DNHD1: variants seen among roughly 807,000 people sequenced by gnomAD.
DNHD1 encodes the protein dynein heavy chain domain 1, also known as dynein heavy chain domain-containing protein 1.
DNHD1 carries 383 observed loss-of-function variants against 458.1 expected under a neutral mutation model. The ratio of observed to expected loss-of-function variants is 0.84; its 90% CI spans 0.77 to 0.91. DNHD1 has a LOEUF of 0.91. Ranked by LOEUF, DNHD1 falls within the 40% of genes least tolerant of loss-of-function variation. The probability of loss-of-function intolerance (pLI) is 0.00; values close to 1 mark genes in which losing one functional copy is unlikely to be tolerated. For missense variants in DNHD1, 5,336 were observed against 5,866.1 expected, an observed-to-expected ratio of 0.91 and a Z score of 2.95; for synonymous variants, 2,203 against 2,376.9, an observed-to-expected ratio of 0.93 and a Z score of 2.13.
chr11:6,530,520 G>A (rs904570274), intron 12 of DNHD1, among the ~76,000 whole-genome samples: 1 of 152,194 alleles, frequency 6.6e-6, no homozygotes, highest in African/African-American at 2.4e-5. Context: ...CTAGCCTCAA[G>A]GATGGCAATA....
chr11:6,547,786 T>C, intron 21 of DNHD1, 77 bp from the exon 22 acceptor site: 1 of 1,529,518 alleles, frequency 6.5e-7, no homozygotes, highest in South Asian at 1.2e-5. Flanking sequence ...AAAGTAATAC[T>C]GTCAACCTTT....
chr11:6,541,826 A>G (rs73407172), intron 18 of DNHD1, among the ~76,000 whole-genome samples: 7,374 of 152,240 alleles, frequency 0.048, 585 homozygotes, highest in African/African-American at 0.17. Flanking sequence ...GACTGGTATA[A>G]CCCAAGTGAA....
rs1253946824 is a variant in DNHD1, at chr11:6,570,511, A to G, written c.13106-107A>G. 5 of 1,480,084 alleles carry G rather than the reference A, an allele frequency of 3.4e-6. No homozygotes were observed. In the South Asian group the frequency reaches 6.9e-5, roughly 20 times the overall value. 91.7% of individuals were successfully genotyped at this position (1,480,084 alleles called of 1,614,324 possible). A position where few individuals can be genotyped will look rare whatever the true frequency, so the allele number is the denominator to read the frequency against. On this transcript the variant is annotated intron_variant, in intron 41 of 42. Transcript: ENST00000254579. ...AGGTATATGAGGGGGTAATATTCAT[A>G]CTGTTATGGGGGTGATGGCAGTAAA...
intron 6 of DNHD1, among the ~76,000 whole-genome samples, chr11:6,510,171 C>T (rs1304455940): frequency 1.3e-5 from 2 of 152,070 alleles, no homozygotes; most frequent in African/African-American, 4.8e-5. Flanking sequence ...GCAACCTCCT[C>T]CTCCTGGGTT....
In DNHD1 at chr11:6,549,024, G is replaced by A. The variant is rs1014988938; in HGVS notation, c.7387+91G>A. On this transcript the variant is annotated intron_variant, in intron 24 of 42. Transcript: ENST00000254579. ...AATATTCATTGACTCTCAAATATAT[G>A]TCTGTAGATCTAACTTTAGTGTTCT... is the stretch of plus-strand genomic sequence containing the variant. 1.5e-5 allele frequency: 21 copies of A among 1,357,790 alleles called. No homozygotes were observed. The Admixed American group carries it at 2.0e-4, about 13-fold the overall frequency. 84.1% of individuals were successfully genotyped at this position (1,357,790 alleles called of 1,614,324 possible).
chr11:6,551,745 A>C (rs914539180), intron 24 of DNHD1, among the ~76,000 whole-genome samples: 1 of 152,198 alleles, frequency 6.6e-6, no homozygotes, highest in East Asian at 1.9e-4. Context: ...GATGGAGACC[A>C]TCCTGGCCAA....
rs766277075 is a variant in DNHD1 at position 6,565,913 on chromosome 11, C to T, written c.10975C>T (p.Pro3659Ser). Residue 3659 changes from proline to serine, a missense_variant, in exon 33 of 43, where the codon CCA (proline) becomes TCA (serine). Coordinates refer to ENST00000254579, the MANE Select transcript of DNHD1 (RefSeq NM_144666.3). ...AAAGCCAGCCTATGAGACTCAGCTT[C>T]CATCCCTTCCCTACCTTAGTGTTCT... The part of the protein sequence containing the change: ...GSKPAYETQL[P>S]SLPYLSVLSG... 20 of 1,551,656 alleles carry T rather than the reference C, an allele frequency of 1.3e-5. No individual in the cohort carries two copies. Among genetic ancestry groups the T allele is most frequent in the Middle Eastern group, 3.3e-4 (2 of 5,992 alleles).
In DNHD1 at chr11:6,528,672, G is replaced by A. The variant is rs781073836; in HGVS notation, c.1988G>A (p.Arg663His). 107 of 1,551,626 alleles carry A rather than the reference G, an allele frequency of 6.9e-5. 3 individuals carry two copies. The highest frequency in any genetic ancestry group is 5.2e-4 in the South Asian group (44 of 84,068). Residue 663 changes from arginine (R) to histidine (H), a missense_variant, in exon 11 of 43, where the codon CGT (arginine) becomes CAT (histidine). This residue lies in a region of DNHD1 where 3,932 missense variants were observed against 4,365.6 expected (regional missense o/e 0.90). Coordinates refer to ENST00000254579, the MANE Select transcript of DNHD1 (RefSeq NM_144666.3). ...CCAATTGCTGGTATCTTGGAGGTCC[G>A]TGGATGTCGGCTGCGGGGCCAATAC... ...SHPIAGILEV[R>H]GCRLRGQYFP...
chr11:6,552,978 A>G (rs1488945917), intron 24 of DNHD1, among the ~76,000 whole-genome samples: 1 of 152,242 alleles, frequency 6.6e-6, no homozygotes, highest in Non-Finnish European at 1.5e-5. Flanking sequence ...AATTATATCA[A>G]ATATTTAGAA....
At position 6,548,584 on chromosome 11, in the gene DNHD1, T is replaced by G; in HGVS notation, c.7099-61T>G. 1 of 1,534,220 alleles carries G rather than the reference T, an allele frequency of 6.5e-7. No individual in the cohort carries two copies. Among genetic ancestry groups the G allele is most frequent in the Non-Finnish European group, 8.8e-7 (1 of 1,136,944 alleles). On this transcript the variant is annotated intron_variant, in intron 23 of 42. Coordinates refer to ENST00000254579, the MANE Select transcript of DNHD1 (RefSeq NM_144666.3). The surrounding 1 kb of genome is among the most constrained non-coding windows in gnomAD (Gnocchi z 4.4). ...AGGACAAGTCCCTTAGACTTTTATT[T>G]TCAGCTAGATTACTGTCTTATACTG...
At position 6,539,319 on chromosome 11, in the gene DNHD1, G is replaced by A. The variant is rs1371621278; in HGVS notation, c.3420+6G>A. On this transcript the variant is annotated splice_donor_region_variant and intron_variant, in intron 17 of 42. Coordinates refer to ENST00000254579, the MANE Select transcript of DNHD1 (RefSeq NM_144666.3). ...TTGCAGATCGAATCAACCAGGTGGGGCCCTCAGTACAGGGGCGAGGGAGGT... is the reference window on the plus strand; with the variant it reads ...TTGCAGATCGAATCAACCAGGTGGGACCCTCAGTACAGGGGCGAGGGAGGT... 15 of 1,548,778 alleles carry A rather than the reference G, an allele frequency of 9.7e-6. No individual in the cohort carries two copies. Among genetic ancestry groups the A allele is most frequent in the Non-Finnish European group, 1.3e-5 (15 of 1,144,502 alleles).
chr11:6,533,397 G>A (rs762206208), intron 13 of DNHD1, among the ~76,000 whole-genome samples: 38 of 152,236 alleles, frequency 2.5e-4, no homozygotes, highest in Non-Finnish European at 3.8e-4. Flanking sequence ...TGATGAGAGA[G>A]TTGTGCTCTC....
intron 12 of DNHD1, among the ~76,000 whole-genome samples, chr11:6,530,521 G>C (rs372884566): frequency 2.0e-5 from 3 of 152,172 alleles, no homozygotes; most frequent in African/African-American, 7.2e-5. Flanking sequence ...TAGCCTCAAG[G>C]ATGGCAATAG....
At position 6,545,808 on chromosome 11, in the gene DNHD1, T is replaced by G; in HGVS notation, c.4869T>G (p.Leu1623=). The G allele has an allele frequency of 6.4e-7, 1 of 1,551,908 alleles. No homozygotes were observed. Among genetic ancestry groups the G allele is most frequent in the Non-Finnish European group, 8.7e-7 (1 of 1,147,014 alleles). ...HIIPKSPLQS[L]KTIASSEPSL... ...TCCCCAAAAGCCCCCTACAGAGTCTTAAGACTATTGCATCTTCTGAACCCT... is the reference window on the plus strand; with the variant it reads ...TCCCCAAAAGCCCCCTACAGAGTCTGAAGACTATTGCATCTTCTGAACCCT... Residue 1623 remains leucine (L), a synonymous_variant, in exon 21 of 43, where the codon CTT becomes CTG. Transcript: ENST00000254579. This position sits in a 1 kb window ranked among gnomAD's most constrained non-coding sequence, Gnocchi z 4.9.
chr11:6,497,344 C>G lies in DNHD1; in HGVS notation c.-529+13C>G, dbSNP rs1335407124. On this transcript the variant is annotated intron_variant, in intron 1 of 42. Transcript: ENST00000254579. ...GGTGGAGCTGCGGGTGAGTCCTCGG[C>G]TCCGGATCCATTTCTCTTTGTTCCC... The G allele has an allele frequency of 3.3e-5, 5 of 152,530 alleles. No individual in the cohort carries two copies. The highest frequency in any genetic ancestry group is 5.9e-5 in the Non-Finnish European group (4 of 68,324). 9.4% of individuals were successfully genotyped at this position (152,530 alleles called of 1,614,324 possible). A position where few individuals can be genotyped will look rare whatever the true frequency, so the allele number is the denominator to read the frequency against.
At chr11:6,518,900 A>G (rs1852545775) in intron 7 of DNHD1, among the ~76,000 whole-genome samples, 1 of 152,204 alleles carries the variant, frequency 6.6e-6, no homozygotes, top group African/African-American at 2.4e-5. Context: ...AATCAGTTCT[A>G]ATCACAAGCT....
intron 10 of DNHD1, chr11:6,520,586 T>G: frequency 8.1e-7 from 1 of 1,228,464 alleles, no homozygotes; most frequent in South Asian, 2.8e-5. Flanking sequence ...GAGGTTTTTC[T>G]CCAGTGCCAT....
chr11:6,571,330 G>T lies in DNHD1; in HGVS notation c.13818G>T (p.Val4606=). 1 of 1,612,400 alleles carries T rather than the reference G, an allele frequency of 6.2e-7. No individual in the cohort carries two copies. ...LRGEAALDQN[V]PSSNFPGSRG... ...GGGAAGCTGCCCTGGACCAGAATGT[G>T]CCCAGCTCGAATTTCCCTGGTAGCC... Residue 4606 remains valine (V), a synonymous_variant, in exon 42 of 43, where the codon GTG becomes GTT. Transcript: ENST00000254579. The surrounding 1 kb of genome is among the most constrained non-coding windows in gnomAD (Gnocchi z 5.0).
chr11:6,522,700 C>T (rs1852628095), intron 10 of DNHD1, among the ~76,000 whole-genome samples: 1 of 152,118 alleles, frequency 6.6e-6, no homozygotes, highest in African/African-American at 2.4e-5. Context: ...AAGAAACATA[C>T]ATCCAACTGA....
Sources: gnomAD v4.1 joint callset for allele counts (sites outside exome capture counted in the v4.1 genomes callset) on GRCh38, gnomAD v4.1.1 for gene constraint, gnomAD v4.1.1 regional missense constraint, Gnocchi (gnomAD v3.1) non-coding constraint, MANE v1.5 for transcripts, NCBI Gene and HGNC (gene_info 2026-07-23, HGNC 2026-07-21) for gene names.